The following ADGRL3 variants were observed in gnomAD, a reference collection of about 807,000 sequenced individuals.
The protein encoded by ADGRL3 is adhesion G protein-coupled receptor L3.
In ADGRL3, 62 loss-of-function variants were observed where a neutral mutation model predicts 153.5. That is an observed-to-expected ratio of 0.40 (90% CI 0.33 to 0.50). ADGRL3 has a LOEUF of 0.50. Ranked by LOEUF, ADGRL3 falls within the 20% of genes least tolerant of loss-of-function variation. ADGRL3 has a pLI of 0.47. For missense variants in ADGRL3, 1,641 were observed against 1,859.4 expected (o/e 0.88, Z 2.16); for synonymous variants, 710 against 672.5 (o/e 1.06, Z -0.86).
chr4:61,611,689 G>A (rs2091371888), intron 5 of ADGRL3, among the ~76,000 whole-genome samples: 1 of 152,110 alleles, frequency 6.6e-6, no homozygotes, highest in Non-Finnish European at 1.5e-5. Context: ...TTCAGAGACT[G>A]GGGTTGGAGG....
intron 9 of ADGRL3, among the ~76,000 whole-genome samples, chr4:61,863,899 G>A (rs776876069): frequency 6.6e-6 from 1 of 152,178 alleles, no homozygotes; most frequent in African/African-American, 2.4e-5. Context: ...GCTCAATCAG[G>A]TGTTTGGAAT....
chr4:61,818,310 C>T (rs1272095037), intron 9 of ADGRL3, among the ~76,000 whole-genome samples: 3 of 152,164 alleles, frequency 2.0e-5, no homozygotes, highest in Non-Finnish European at 4.4e-5. Context: ...CCTTTGCCTC[C>T]ATGTCTCACA....
intron 8 of ADGRL3, among the ~76,000 whole-genome samples, chr4:61,794,180 A>G (rs1233380753): frequency 6.6e-6 from 1 of 152,190 alleles, no homozygotes; most frequent in Non-Finnish European, 1.5e-5. Context: ...AAACACGTGA[A>G]CTAGTTTCAT....
chr4:61,888,644 A>G (rs1251743285), intron 9 of ADGRL3, among the ~76,000 whole-genome samples: 1 of 152,186 alleles, frequency 6.6e-6, no homozygotes, highest in African/African-American at 2.4e-5. Flanking sequence ...ATCAATTTTA[A>G]TTCTGCTTAA....
intron 2 of ADGRL3, among the ~76,000 whole-genome samples, chr4:61,387,750 G>A (rs1329194263): frequency 6.6e-6 from 1 of 152,014 alleles, no homozygotes; most frequent in Non-Finnish European, 1.5e-5. Flanking sequence ...CACACATGCT[G>A]TACAATTTGT....
At chr4:61,703,950 A>G (rs1054700891) in intron 6 of ADGRL3, among the ~76,000 whole-genome samples, 2 of 152,118 alleles carry the variant, frequency 1.3e-5, no homozygotes, top group Non-Finnish European at 2.9e-5. Context: ...TTGGCATTGC[A>G]GGCATAGAAT....
chr4:61,322,979 C>T (rs2095391786), intron 1 of ADGRL3, among the ~76,000 whole-genome samples: 2 of 152,226 alleles, frequency 1.3e-5, no homozygotes, highest in Non-Finnish European at 2.9e-5. Context: ...GCCCCTACAG[C>T]AAACTTCTGC....
chr4:61,720,718 C>CAT (rs1386969998), intron 6 of ADGRL3, among the ~76,000 whole-genome samples: 2 of 152,144 alleles, frequency 1.3e-5, no homozygotes, highest in African/African-American at 4.8e-5. Context: ...TTATCTGTAG[C>CAT]ATAGTTTCTG....
intron 2 of ADGRL3, among the ~76,000 whole-genome samples, chr4:61,484,593 A>G (rs985104522): frequency 2.6e-5 from 4 of 152,110 alleles, no homozygotes; most frequent in African/African-American, 9.7e-5. Flanking sequence ...AAACATTATC[A>G]TAGTTAGAAT....
intron 3 of ADGRL3, among the ~76,000 whole-genome samples, chr4:61,509,658 A>G (rs2098452590): frequency 6.6e-6 from 1 of 152,018 alleles, no homozygotes; most frequent in African/African-American, 2.4e-5. Context: ...TTATTTATCC[A>G]GTCTACCATT....
At chr4:61,346,510 T>C (rs2095911285) in intron 1 of ADGRL3, among the ~76,000 whole-genome samples, 1 of 151,712 alleles carries the variant, frequency 6.6e-6, no homozygotes, top group South Asian at 2.1e-4. Flanking sequence ...ATGCCTGTAA[T>C]GTCAGCACTT....
intron 1 of ADGRL3, among the ~76,000 whole-genome samples, chr4:61,318,242 A>C (rs954960574): frequency 3.3e-5 from 5 of 149,514 alleles, no homozygotes; most frequent in Admixed American, 6.7e-5. Flanking sequence ...CACACACACA[A>C]AAGAAAATAT....
chr4:61,409,113 A>T (rs899759777), intron 2 of ADGRL3, among the ~76,000 whole-genome samples: 2 of 149,612 alleles, frequency 1.3e-5, no homozygotes, highest in African/African-American at 4.9e-5. Flanking sequence ...CATTTTAAAT[A>T]AAAGCCAAGA....
intron 1 of ADGRL3, among the ~76,000 whole-genome samples, chr4:61,377,913 A>G (rs913883504): frequency 6.6e-6 from 1 of 151,980 alleles, no homozygotes; most frequent in Non-Finnish European, 1.5e-5. Context: ...TTTAATTAAA[A>G]TATTTTCTAA....
intron 4 of ADGRL3, among the ~76,000 whole-genome samples, chr4:61,525,125 C>T (rs1408285251): frequency 7.6e-6 from 1 of 131,676 alleles, no homozygotes; most frequent in Non-Finnish European, 1.6e-5. Flanking sequence ...AATACGGTGT[C>T]AGTTAAATGC....
chr4:61,656,721 A>G (rs2094452166), intron 5 of ADGRL3, among the ~76,000 whole-genome samples: 1 of 152,176 alleles, frequency 6.6e-6, no homozygotes, highest in Non-Finnish European at 1.5e-5. Context: ...AAGGAAATCC[A>G]ATGTAGGATT....
At chr4:61,902,436 C>T (rs754466726) in intron 11 of ADGRL3, among the ~76,000 whole-genome samples, 1 of 152,180 alleles carries the variant, frequency 6.6e-6, no homozygotes, top group Non-Finnish European at 1.5e-5. Flanking sequence ...TCATTCACTC[C>T]TGAACCCTCT....
chr4:61,700,365 T>C (rs1477808092), intron 6 of ADGRL3, among the ~76,000 whole-genome samples: 1 of 152,116 alleles, frequency 6.6e-6, no homozygotes, highest in East Asian at 1.9e-4. Flanking sequence ...TAGGAAATAG[T>C]GGAAAATAAA....
At chr4:61,951,494 A>G (rs765575246) in intron 17 of ADGRL3, among the ~76,000 whole-genome samples, 26 of 152,222 alleles carry the variant, frequency 1.7e-4, no homozygotes, top group Non-Finnish European at 2.1e-4. Context: ...AAACAATAAT[A>G]GCACCAGTTT....
Sources: gnomAD v4.1 joint callset for allele counts (sites outside exome capture counted in the v4.1 genomes callset) on GRCh38, gnomAD v4.1.1 for gene constraint, MANE v1.5 for transcripts, NCBI Gene and HGNC (gene_info 2026-07-23, HGNC 2026-07-21) for gene names.